Variants in CDH10 observed in about 807,000 individuals in gnomAD.
CDH10 encodes the protein cadherin 10.
In CDH10, 30 loss-of-function variants were observed where a neutral mutation model predicts 73.1. The observed-to-expected ratio is 0.41, with a 90% CI of 0.31 to 0.56. The LOEUF (loss-of-function observed/expected upper bound fraction) is 0.56, where lower values mean the gene tolerates loss of function less well. Ranked by LOEUF, CDH10 falls within the 20% of genes least tolerant of loss-of-function variation. The pLI, the probability that CDH10 is intolerant of heterozygous loss-of-function variation, is 0.27. For missense variants in CDH10, 815 were observed against 973.7 expected (o/e 0.84, Z 2.17); for synonymous variants, 345 against 348.2 (o/e 0.99, Z 0.10).
chr5:24,588,384 T>C lies in CDH10; in HGVS notation c.231+4876A>G, dbSNP rs1746091302. On this transcript the variant is annotated intron_variant, in intron 2 of 11. Transcript: ENST00000264463. ...TTATATTTAGTAAACAGTTGTTTTT[T>C]ATGTAGGTCCTTTTGGTCATGTTTG... Among the ~76,000 whole-genome samples the C allele has an allele frequency of 3.3e-5, 5 of 152,222 alleles. No individual in the cohort carries two copies. The South Asian group carries it at 1.0e-3, about 32-fold the overall frequency.
At chr5:24,573,527 C>A (rs1379483054) in intron 2 of CDH10, among the ~76,000 whole-genome samples, 1 of 151,662 alleles carries the variant, frequency 6.6e-6, no homozygotes, top group East Asian at 2.0e-4. Flanking sequence ...CGGTGAAACC[C>A]CGACTCTACT....
intron 1 of CDH10, among the ~76,000 whole-genome samples, chr5:24,604,871 TAAA>T (rs71576696): frequency 1.5e-4 from 17 of 116,354 alleles, no homozygotes; most frequent in African/African-American, 7.2e-4. Context: ...AAGATGTCTC[TAAA>T]AAAAAAAAAA....
At chr5:24,531,319 T>C (rs1045473764) in intron 5 of CDH10, among the ~76,000 whole-genome samples, 1 of 152,106 alleles carries the variant, frequency 6.6e-6, no homozygotes, top group Admixed American at 6.6e-5. Context: ...ATGTATGATT[T>C]GTCTCCCCTG....
At chr5:24,506,507 A>T (rs1434776205) in intron 7 of CDH10, among the ~76,000 whole-genome samples, 3 of 152,170 alleles carry the variant, frequency 2.0e-5, no homozygotes. Context: ...CATAAAGCAG[A>T]TTTTACCACC....
Position 24,487,718 on chromosome 5 carries a change from C to T in CDH10, c.2312G>A (p.Arg771Gln), listed in dbSNP as rs774023585. ...NYDYLREWGP[R>Q]FNKLAEMYGG... ...ATACATTTCTGCTAGCTTATTAAAC[C>T]GAGGGCCCCATTCTCGGAGGTAATC... The change falls in exon 12 of 12, where the codon CGG becomes CAG. Residue 771 changes from arginine (R) to glutamine (Q), a missense_variant. Arg to Gln is a conservative substitution (Grantham distance 43). Transcript: ENST00000264463. The T allele has an allele frequency of 1.8e-5, 29 of 1,612,972 alleles. No homozygotes were observed. Among genetic ancestry groups the T allele is most frequent in the Non-Finnish European group, 2.5e-5 (29 of 1,179,640 alleles).
rs190266768 is a variant in CDH10 at position 24,562,334 on chromosome 5, G to A, written c.232-24660C>T. ...ATCTCCCCCTCCTGTACTTATGAGT[G>A]TATTTTTTCCTTCTTTTATTTTTAT... On this transcript the variant is annotated intron_variant, in intron 2 of 11. Transcript: ENST00000264463. Among the ~76,000 whole-genome samples the A allele has an allele frequency of 1.6e-3, 247 of 152,042 alleles. 1 individual carries two copies. Among genetic ancestry groups the A allele is most frequent in the African/African-American group, 5.5e-3 (229 of 41,512 alleles).
chr5:24,519,069 TTAGTATAGA>T (rs996577241), intron 5 of CDH10, among the ~76,000 whole-genome samples: 2 of 151,692 alleles, frequency 1.3e-5, no homozygotes, highest in African/African-American at 4.8e-5. Flanking sequence ...TTTTGTATTT[TTAGTATAGA>T]TAGGTTTTTG....
chr5:24,571,785 G>A (rs540293673), intron 2 of CDH10, among the ~76,000 whole-genome samples: 2 of 152,116 alleles, frequency 1.3e-5, no homozygotes, highest in African/African-American at 4.8e-5. Context: ...GTCCTGACTC[G>A]TAGTGTTTGC....
chr5:24,589,192 T>C (rs1746121015), intron 2 of CDH10, among the ~76,000 whole-genome samples: 1 of 152,204 alleles, frequency 6.6e-6, no homozygotes. Context: ...TAGTGGGTGT[T>C]TGGAGCCGAC....
At chr5:24,573,723 A>G (rs942954450) in intron 2 of CDH10, among the ~76,000 whole-genome samples, 8 of 149,246 alleles carry the variant, frequency 5.4e-5, no homozygotes, top group Admixed American at 1.3e-4. Flanking sequence ...AAAGAAAGAA[A>G]CAGCCATTCA....
chr5:24,568,862 A>C (rs1222761958), intron 2 of CDH10, among the ~76,000 whole-genome samples: 1 of 152,112 alleles, frequency 6.6e-6, no homozygotes, highest in Non-Finnish European at 1.5e-5. Flanking sequence ...TTGTAATCCC[A>C]GCACTTTGGG....
chr5:24,557,419 T>G (rs17459974), intron 2 of CDH10, among the ~76,000 whole-genome samples: 1 of 151,440 alleles, frequency 6.6e-6, no homozygotes, highest in South Asian at 2.1e-4. Context: ...TCCATTTCAT[T>G]TTTAGTAAAA....
chr5:24,544,683 A>G (rs1744280411), intron 2 of CDH10, among the ~76,000 whole-genome samples: 1 of 152,172 alleles, frequency 6.6e-6, no homozygotes, highest in Non-Finnish European at 1.5e-5. Flanking sequence ...AAGGTGTCCA[A>G]TCTGGGATGG....
intron 2 of CDH10, among the ~76,000 whole-genome samples, chr5:24,551,173 A>G (rs963610158): frequency 4.6e-5 from 7 of 152,144 alleles, no homozygotes; most frequent in African/African-American, 1.2e-4. Context: ...TTTCTTAAAT[A>G]TGCTACACTT....
intron 1 of CDH10, among the ~76,000 whole-genome samples, chr5:24,621,217 G>C (rs1747306801): frequency 6.6e-6 from 1 of 152,082 alleles, no homozygotes; most frequent in East Asian, 1.9e-4. Flanking sequence ...GTGTGCACAA[G>C]GAGTCCCAAA....
intron 2 of CDH10, among the ~76,000 whole-genome samples, chr5:24,561,949 A>C (rs796533705): frequency 2.6e-5 from 4 of 152,184 alleles, no homozygotes; most frequent in African/African-American, 9.6e-5. Context: ...ACAAACAAAA[A>C]ACATATGTGA....
intron 5 of CDH10, among the ~76,000 whole-genome samples, chr5:24,533,729 C>A (rs1397957077): frequency 6.6e-6 from 1 of 151,972 alleles, no homozygotes. Context: ...CAGCACACAC[C>A]TTTAAACTTG....
At chr5:24,573,800 ATTTAC>A (rs1377088766) in intron 2 of CDH10, among the ~76,000 whole-genome samples, 1 of 148,298 alleles carries the variant, frequency 6.7e-6, no homozygotes, top group African/African-American at 2.5e-5. Context: ...ATATTCATAT[ATTTAC>A]TTAATTTTTA....
At chr5:24,584,475 T>TGTGA (rs775491066) in intron 2 of CDH10, among the ~76,000 whole-genome samples, 21,292 of 77,314 alleles carry the variant, frequency 0.28, 4,163 homozygotes, top group Non-Finnish European at 0.4. Flanking sequence ...TGTGTGTGTG[T>TGTGA]GAGAGAGAGA....
Sources: gnomAD v4.1 joint callset for allele counts (sites outside exome capture counted in the v4.1 genomes callset) on GRCh38, gnomAD v4.1.1 for gene constraint, MANE v1.5 for transcripts, NCBI Gene and HGNC (gene_info 2026-07-23, HGNC 2026-07-21) for gene names.